GUSB: variants seen among roughly 807,000 people sequenced by gnomAD.
GUSB encodes the protein glucuronidase beta, also known as beta-glucuronidase.
A neutral mutation model predicts 74.6 loss-of-function variants in GUSB; 51 were observed. That is an observed-to-expected ratio of 0.68 (90% confidence interval 0.55 to 0.86). The LOEUF (loss-of-function observed/expected upper bound fraction) is 0.86, where lower values mean the gene tolerates loss of function less well. Among genes scored for constraint, GUSB ranks in the 40% least tolerant of loss-of-function variants. The probability of loss-of-function intolerance (pLI) is 0.00; values close to 1 mark genes in which losing one functional copy is unlikely to be tolerated. For synonymous variants in GUSB, 360 were observed against 348.3 expected, an observed-to-expected ratio of 1.03 and a Z score of -0.37; for missense variants, 736 against 853.7, an observed-to-expected ratio of 0.86 and a Z score of 1.72.
At chr7:65,976,970 G>A (rs543250631) in intron 4 of GUSB, among the ~76,000 whole-genome samples, 2 of 152,018 alleles carry the variant, frequency 1.3e-5, no homozygotes, top group East Asian at 3.9e-4. Flanking sequence ...GACACGTGAC[G>A]TGTGAACAAG....
rs1204049056 is a variant in GUSB, at chr7:65,976,139, A to G, written c.788T>C (p.Leu263Ser). ...CGCCACGACTTTGTTTTCTGCATCC[A>G]AAAGACGCACTTCCAACTTGAACAG... Reference protein sequence around the residue: ...SNLFKLEVRLLDAENKVVANG... With the variant: ...SNLFKLEVRLSDAENKVVANG... Residue 263 changes from leucine to serine, a missense_variant, in exon 5 of 12, where the codon TTG (leucine) becomes TCG (serine). By Grantham distance (145) the Leu-to-Ser change is moderately radical. Transcript: ENST00000304895. The G allele has an allele frequency of 6.2e-7, 1 of 1,613,444 alleles. No homozygotes were observed. Among genetic ancestry groups the G allele is most frequent in the South Asian group, 1.1e-5 (1 of 91,066 alleles).
At position 65,971,900 on chromosome 7, in the gene GUSB, G is replaced by A. The variant is rs61398839; in HGVS notation, c.1392-1534C>T. ...TACTAAAAATACAAATTAGCTGGGC[G>A]TGGTGGCGCATGCCTGTAATCCCAG... On this transcript the variant is annotated intron_variant, in intron 8 of 11. Coordinates refer to ENST00000304895, the MANE Select transcript of GUSB (RefSeq NM_000181.4). Among the ~76,000 whole-genome samples the A allele has an allele frequency of 1.8e-3, 268 of 151,356 alleles. 8 individuals carry two copies. In the East Asian group the frequency reaches 0.05, roughly 28 times the overall value.
chr7:65,974,338 T>C lies in GUSB; in HGVS notation c.1348A>G (p.Asn450Asp). 1 of 1,614,152 alleles carries C rather than the reference T, an allele frequency of 6.2e-7. No individual in the cohort carries two copies. Among genetic ancestry groups the C allele is most frequent in the Non-Finnish European group, 8.5e-7 (1 of 1,180,024 alleles). ...GATTCTAGGTGGGACGCAGGCTCGTTGGCCACAGACCACATCACGACCGCG... is the reference window on the plus strand; with the variant it reads ...GATTCTAGGTGGGACGCAGGCTCGTCGGCCACAGACCACATCACGACCGCG... ...HPAVVMWSVA[N>D]EPASHLESAG... Residue 450 changes from asparagine (N) to aspartate (D), a missense_variant, in exon 8 of 12, where the codon AAC becomes GAC. Transcript: ENST00000304895.
intron 8 of GUSB, among the ~76,000 whole-genome samples, chr7:65,973,964 A>G (rs1316109225): frequency 2.7e-5 from 4 of 150,158 alleles, no homozygotes. Flanking sequence ...ACAGTGGTTC[A>G]TGGGTGCCTG....
rs78010058 is a variant in GUSB, at chr7:65,965,505, T to C, written c.1654-1047A>G. ...TGTACCATTTCAGACAGTGCAAATA[T>C]AGAACATTTCCATCATTGCAAGTTT... On this transcript the variant is annotated intron_variant, in intron 10 of 11. Coordinates refer to ENST00000304895, the MANE Select transcript of GUSB (RefSeq NM_000181.4). Among the ~76,000 whole-genome samples, 210 of 152,290 alleles carry C rather than the reference T, an allele frequency of 1.4e-3. 1 individual carries two copies. The highest frequency in any genetic ancestry group is 0.013 in the South Asian group (61 of 4,824).
chr7:65,975,212 C>T (rs1791489832), intron 5 of GUSB, 141 bp from the exon 6 acceptor site: 2 of 753,118 alleles, frequency 2.7e-6, no homozygotes, highest in South Asian at 2.9e-5. Context: ...AGAGGTTCTG[C>T]CCTACCCTGG....
At position 65,976,011 on chromosome 7, in the gene GUSB, T is replaced by C. The variant is rs1281750062; in HGVS notation, c.912+4A>G. 5 of 1,613,010 alleles carry C rather than the reference T, an allele frequency of 3.1e-6. No homozygotes were observed. In the East Asian group the frequency reaches 1.1e-4, roughly 36 times the overall value. On this transcript the variant is annotated splice_donor_region_variant and intron_variant, in intron 5 of 11. Transcript: ENST00000304895. ...CCCTTAGGCATGTCCCAAACCACCA[T>C]TACCTCCAATGAATACAGATAGGCA...
At chr7:65,967,648 A>G in intron 10 of GUSB, 83 bp downstream of exon 10, 2 of 1,132,636 alleles carry the variant, frequency 1.8e-6, no homozygotes, top group Non-Finnish European at 2.7e-6. Context: ...GGAGCAGTGC[A>G]GTGGGCGCAG....
intron 10 of GUSB, among the ~76,000 whole-genome samples, chr7:65,967,249 G>A (rs1790894943): frequency 6.6e-6 from 1 of 152,154 alleles, no homozygotes. Flanking sequence ...GAGGCCAGGA[G>A]TTCAAGACCA....
chr7:65,962,689 A>G (rs1269577049), intron 11 of GUSB, among the ~76,000 whole-genome samples: 2 of 151,978 alleles, frequency 1.3e-5, no homozygotes, highest in Non-Finnish European at 2.9e-5. Flanking sequence ...CCTGACCAAC[A>G]TGGAGAAACC....
chr7:65,962,993 GCATTA>G (rs1451992282), intron 11 of GUSB, among the ~76,000 whole-genome samples: 2 of 151,870 alleles, frequency 1.3e-5, no homozygotes, highest in African/African-American at 4.8e-5. Context: ...CAAGTGGCTG[GCATTA>G]CAGGCATGCG....
intron 4 of GUSB, among the ~76,000 whole-genome samples, chr7:65,978,002 G>C (rs1032585446): frequency 1.3e-5 from 2 of 151,480 alleles, no homozygotes; most frequent in Admixed American, 1.3e-4. Flanking sequence ...AGTAGAGACG[G>C]AGTTTCACCA....
At chr7:65,967,594 A>C in intron 10 of GUSB, 137 bp downstream of exon 10, 11 of 752,372 alleles carry the variant, frequency 1.5e-5, no homozygotes, top group African/African-American at 3.4e-5. Flanking sequence ...CGGTGAGGGA[A>C]CGTGGACGGG....
chr7:65,979,217 C>G (rs1791809322), intron 4 of GUSB, among the ~76,000 whole-genome samples, 182 bp downstream of exon 4: 1 of 152,200 alleles, frequency 6.6e-6, no homozygotes, highest in Non-Finnish European at 1.5e-5. Flanking sequence ...AGGTCAACCA[C>G]ACGGGTGATT....
Position 65,979,967 on chromosome 7 carries a change from C to A in GUSB, c.397-56G>T, listed in dbSNP as rs1791882654. The A allele has an allele frequency of 2.1e-6, 3 of 1,421,162 alleles. No individual in the cohort carries two copies. The East Asian group carries it at 7.4e-5, about 35-fold the overall frequency. 88.0% of individuals were successfully genotyped at this position (1,421,162 alleles called of 1,614,324 possible). A position where few individuals can be genotyped will look rare whatever the true frequency, so the allele number is the denominator to read the frequency against. ...TGCAGGTCAGGGCATGAGGAGGCGC[C>A]CTACTATCGGGCACTCCCTCACATA... On this transcript the variant is annotated intron_variant, in intron 2 of 11. Coordinates refer to ENST00000304895, the MANE Select transcript of GUSB (RefSeq NM_000181.4).
At chr7:65,971,467 G>A (rs966645167) in intron 8 of GUSB, among the ~76,000 whole-genome samples, 4 of 152,068 alleles carry the variant, frequency 2.6e-5, no homozygotes, top group African/African-American at 4.8e-5. Flanking sequence ...GGTGGCTCAC[G>A]CCTGTAATCC....
chr7:65,975,252 T>C (rs1002545116), intron 5 of GUSB, 181 bp from the exon 6 acceptor site: 8 of 633,244 alleles, frequency 1.3e-5, no homozygotes, highest in African/African-American at 1.1e-4. Context: ...CTTCAAAACA[T>C]GGCCTTCCCT....
chr7:65,975,961 G>T lies in GUSB; in HGVS notation c.912+54C>A, dbSNP rs183719203. 5.4e-6 allele frequency: 8 copies of T among 1,494,294 alleles called. No homozygotes were observed. In the Admixed American group the frequency reaches 8.6e-5, roughly 16 times the overall value. The allele number at this position is 1,494,294 out of a possible 1,614,324, so 92.6% of individuals were successfully genotyped here. On this transcript the variant is annotated intron_variant, in intron 5 of 11. Coordinates refer to ENST00000304895, the MANE Select transcript of GUSB (RefSeq NM_000181.4). ...GTCTTGGGCTCCTGCTGAAGCCAGG[G>T]TCACCACATGGGGGCAAAAGACCTC...
chr7:65,970,828 G>A (rs908348959), intron 8 of GUSB, among the ~76,000 whole-genome samples: 2 of 151,996 alleles, frequency 1.3e-5, no homozygotes, highest in African/African-American at 4.8e-5. Context: ...GGAGGAGTCT[G>A]CAGTGGGCCA....
Sources: allele counts gnomAD v4.1 joint callset (sites outside exome capture counted in the v4.1 genomes callset), GRCh38; gene constraint gnomAD v4.1.1; transcripts MANE v1.5; gene names NCBI Gene and HGNC (gene_info 2026-07-23, HGNC 2026-07-21).